ZNF678: variants seen among roughly 807,000 people sequenced by gnomAD.
The protein encoded by ZNF678 is hypothetical protein MGC42493.
Under a neutral mutation model 3.0 loss-of-function variants are expected in ZNF678, and 5 were observed. The ratio of observed to expected loss-of-function variants is 1.69; its 90% CI spans 0.88 to 3.56. The LOEUF (loss-of-function observed/expected upper bound fraction) is 3.56, where lower values mean the gene tolerates loss of function less well. Among genes scored for constraint, ZNF678 ranks in the 30% most tolerant of loss-of-function variants. ZNF678 has a pLI of 0.00. For missense variants in ZNF678, 593 were observed against 605.0 expected (o/e 0.98, Z 0.21); for synonymous variants, 218 against 199.6 (o/e 1.09, Z -0.78).
intron 1 of ZNF678, among the ~76,000 whole-genome samples, chr1:227,602,953 AC>A (rs1248029324): frequency 6.6e-6 from 1 of 152,186 alleles, no homozygotes; most frequent in Non-Finnish European, 1.5e-5. Context: ...TGATGATTGT[AC>A]CTGTAAGTAG....
chr1:227,603,945 A>G (rs1284746124), intron 1 of ZNF678, among the ~76,000 whole-genome samples: 1 of 152,186 alleles, frequency 6.6e-6, no homozygotes, highest in African/African-American at 2.4e-5. Flanking sequence ...ATACATTATC[A>G]GTCTTTTGCT....
chr1:227,658,312 T>A lies in ZNF678; in HGVS notation c.*2484T>A, dbSNP rs540324332. The A allele has an allele frequency of 6.6e-6, 1 of 152,174 alleles. No individual in the cohort carries two copies. The highest frequency in any genetic ancestry group is 2.4e-5 in the African/African-American group (1 of 41,548). 9.4% of individuals were successfully genotyped at this position (152,174 alleles called of 1,614,324 possible). A position where few individuals can be genotyped will look rare whatever the true frequency, so the allele number is the denominator to read the frequency against. ...GAGGTGAACAAACACAGGAAAGTGCTAGGTTTCCTGGGGGTATAATAGATG... is the reference window on the plus strand; with the variant it reads ...GAGGTGAACAAACACAGGAAAGTGCAAGGTTTCCTGGGGGTATAATAGATG... On this transcript the variant is annotated 3_prime_UTR_variant, in exon 4 of 4. Coordinates refer to ENST00000343776, the MANE Select transcript of ZNF678 (RefSeq NM_001367909.1).
chr1:227,665,484 G>A (rs909013581), downstream of ZNF678, among the ~76,000 whole-genome samples: 13 of 152,298 alleles, frequency 8.5e-5, 2 homozygotes, highest in Admixed American at 5.9e-4. Context: ...GGAGATCAGC[G>A]TCTGGCATAA....
At chr1:227,665,090 G>A (rs1659479951), downstream of ZNF678, among the ~76,000 whole-genome samples, 1 of 152,088 alleles carries the variant, frequency 6.6e-6, no homozygotes, top group South Asian at 2.1e-4. Context: ...AATTCTTCGG[G>A]TACAAATGAG....
chr1:227,590,131 A>G (rs112312894), intron 1 of ZNF678, among the ~76,000 whole-genome samples: 1 of 151,696 alleles, frequency 6.6e-6, no homozygotes, highest in Non-Finnish European at 1.5e-5. Context: ...TACTACTATA[A>G]TTTTTATTAT....
At chr1:227,673,131 T>C (rs1659628241) in intron 5 of ZNF678, among the ~76,000 whole-genome samples, 1 of 152,210 alleles carries the variant, frequency 6.6e-6, no homozygotes, top group Non-Finnish European at 1.5e-5. Context: ...GAAAGTGAGC[T>C]GACCAGCAGG....
At chr1:227,618,508 A>G (rs775314158) in intron 1 of ZNF678, among the ~76,000 whole-genome samples, 14 of 152,210 alleles carry the variant, frequency 9.2e-5, no homozygotes, top group Non-Finnish European at 1.6e-4. Flanking sequence ...CTGCAGGTCT[A>G]TGGAGAGGCT....
intron 1 of ZNF678, among the ~76,000 whole-genome samples, chr1:227,637,939 A>G (rs980696450): frequency 1.3e-5 from 2 of 152,150 alleles, no homozygotes; most frequent in Non-Finnish European, 2.9e-5. Flanking sequence ...GGGAGACCCA[A>G]TACCCCTGTT....
In ZNF678 at chr1:227,565,054, C is replaced by CT. The variant is rs56226010; in HGVS notation, c.-164+1356dup. Among the ~76,000 whole-genome samples the CT allele has an allele frequency of 4.8e-3, 158 of 32,730 alleles. 19 individuals carry two copies. The highest frequency in any genetic ancestry group is 7.8e-3 in the African/African-American group (66 of 8,498). The allele number at this position is 32,730 out of a possible 152,430, so 21.5% of individuals were successfully genotyped here. A position where few individuals can be genotyped will look rare whatever the true frequency, so the allele number is the denominator to read the frequency against. Reference sequence around the variant, plus strand: ...GGCCTGTTGTTTTTTCCCTACCCGGCTTTTTTTTTTTTTTTTTTTTTTTTT... The same window carrying CT: ...GGCCTGTTGTTTTTTCCCTACCCGGCTTTTTTTTTTTTTTTTTTTTTTTTTT... On this transcript the variant is annotated intron_variant, in intron 1 of 3. Transcript: ENST00000343776.
At chr1:227,641,348 G>T (rs969888227) in intron 1 of ZNF678, among the ~76,000 whole-genome samples, 1 of 152,134 alleles carries the variant, frequency 6.6e-6, no homozygotes, top group African/African-American at 2.4e-5. Context: ...AATGGGGTCA[G>T]CCTGAACAAT....
downstream of ZNF678, among the ~76,000 whole-genome samples, chr1:227,666,608 C>A (rs775222544): frequency 3.3e-5 from 5 of 152,168 alleles, no homozygotes; most frequent in African/African-American, 4.8e-5. Context: ...TGTGCCCTTG[C>A]AGCTTCTCCT....
intron 1 of ZNF678, among the ~76,000 whole-genome samples, chr1:227,601,447 A>G (rs1571878210): frequency 7.1e-6 from 1 of 141,296 alleles, no homozygotes; most frequent in African/African-American, 2.6e-5. Context: ...GAGCTCTTTG[A>G]CCTTCTTGGT....
At chr1:227,578,427 A>G (rs1657041233) in intron 1 of ZNF678, among the ~76,000 whole-genome samples, 1 of 151,856 alleles carries the variant, frequency 6.6e-6, no homozygotes, top group Non-Finnish European at 1.5e-5. Flanking sequence ...TGGATGTTTT[A>G]TTTGTTCCTT....
chr1:227,679,477 A>T (rs1262871438), downstream of ZNF678, among the ~76,000 whole-genome samples: 1 of 152,046 alleles, frequency 6.6e-6, no homozygotes, highest in Non-Finnish European at 1.5e-5. Flanking sequence ...GTTCTGTTTC[A>T]TTCTGATTAC....
chr1:227,671,126 G>T (rs1481110177), intron 5 of ZNF678, among the ~76,000 whole-genome samples: 3 of 146,878 alleles, frequency 2.0e-5, no homozygotes, highest in African/African-American at 5.1e-5. Flanking sequence ...GCTCAGACTG[G>T]AGTGCGGTGG....
At chr1:227,571,847 C>T (rs535604462) in intron 1 of ZNF678, among the ~76,000 whole-genome samples, 1 of 152,276 alleles carries the variant, frequency 6.6e-6, no homozygotes, top group Admixed American at 6.5e-5. Context: ...TCGAGACCAT[C>T]CTGGCTAACA....
rs1659201702 is a variant in ZNF678 at position 227,655,201 on chromosome 1, A to C, written c.951A>C (p.Gly317=). ...SLTRHKRIHT[G]EKPYQCEECG... is the part of the protein sequence containing the mutation. ...CTCGTCATAAAAGAATTCATACTGGAGAAAAACCCTACCAATGTGAAGAAT... is the reference window on the plus strand; with the variant it reads ...CTCGTCATAAAAGAATTCATACTGGCGAAAAACCCTACCAATGTGAAGAAT... The change falls in exon 4 of 4, where the codon GGA becomes GGC. Residue 317 remains glycine (G), a synonymous_variant. Coordinates refer to ENST00000343776, the MANE Select transcript of ZNF678 (RefSeq NM_001367909.1). 6.2e-7 allele frequency: 1 copy of C among 1,612,074 alleles called. No homozygotes were observed. Among genetic ancestry groups the C allele is most frequent in the Non-Finnish European group, 8.5e-7 (1 of 1,179,258 alleles).
At chr1:227,666,905 C>T (rs970472704), downstream of ZNF678, among the ~76,000 whole-genome samples, 9 of 151,604 alleles carry the variant, frequency 5.9e-5, no homozygotes, top group African/African-American at 2.2e-4. Context: ...CCACCACAGC[C>T]GGCTAATTTT....
At chr1:227,676,512 A>G (rs896396458) in intron 5 of ZNF678, among the ~76,000 whole-genome samples, 13 of 152,104 alleles carry the variant, frequency 8.5e-5, no homozygotes, top group Admixed American at 5.2e-4. Flanking sequence ...ATTTCTTACT[A>G]TAATTTTTTT....
Sources: gnomAD v4.1 joint callset for allele counts (sites outside exome capture counted in the v4.1 genomes callset) on GRCh38, gnomAD v4.1.1 for gene constraint, MANE v1.5 for transcripts, NCBI Gene and HGNC (gene_info 2026-07-23, HGNC 2026-07-21) for gene names.